Variants in MPPED2 observed in about 807,000 individuals in gnomAD.
MPPED2 encodes metallophosphoesterase domain containing 2, also known as metallophosphoesterase MPPED2.
Under a neutral mutation model 33.0 loss-of-function variants are expected in MPPED2, and 5 were observed. That is an observed-to-expected ratio of 0.15 (90% CI 0.08 to 0.32). The LOEUF (loss-of-function observed/expected upper bound fraction) is 0.32. Ranked by LOEUF, MPPED2 falls within the 10% of genes least tolerant of loss-of-function variation. The probability of loss-of-function intolerance (pLI) is 1.00; values close to 1 mark genes in which losing one functional copy is unlikely to be tolerated. For missense variants in MPPED2, 275 were observed against 372.1 expected (o/e 0.74, Z 2.15); for synonymous variants, 136 against 141.9 (o/e 0.96, Z 0.29).
At chr11:30,406,689 G>A (rs1023476563), downstream of MPPED2, among the ~76,000 whole-genome samples, 1 of 152,168 alleles carries the variant, frequency 6.6e-6, no homozygotes, top group East Asian at 1.9e-4. Context: ...CAACAAAAAT[G>A]TTTTGTGCTA....
chr11:30,405,789 AATTACAATTGACAG>A (rs202233870), downstream of MPPED2, among the ~76,000 whole-genome samples: 543 of 152,166 alleles, frequency 3.6e-3, 2 homozygotes, highest in African/African-American at 0.012. Context: ...CTCTTTAGGA[AATTACAATTGACAG>A]AATAAAAATC....
In MPPED2 at chr11:30,568,654, G is replaced by A. The variant is rs572871275; in HGVS notation, c.128+11592C>T. Among the ~76,000 whole-genome samples the A allele has an allele frequency of 1.2e-3, 188 of 152,278 alleles. 2 individuals carry two copies. The highest frequency in any genetic ancestry group is 8.9e-3 in the South Asian group (43 of 4,828). ...GCTTTGTATTAATAATCTTTAAAAA[G>A]TGGCTGAAGGGAACAGGCCCTAGCA... On this transcript the variant is annotated intron_variant, in intron 2 of 6. Transcript: ENST00000358117.
At chr11:30,464,586 C>G (rs1263422134) in intron 4 of MPPED2, among the ~76,000 whole-genome samples, 1 of 152,144 alleles carries the variant, frequency 6.6e-6, no homozygotes, top group Non-Finnish European at 1.5e-5. Flanking sequence ...TCTGGATAAA[C>G]AGTTGGCATT....
intron 4 of MPPED2, among the ~76,000 whole-genome samples, chr11:30,432,804 C>T (rs1949141428): frequency 6.6e-6 from 1 of 152,204 alleles, no homozygotes; most frequent in African/African-American, 2.4e-5. Context: ...AGGTCCCCAA[C>T]TTGTGAATTA....
intron 3 of MPPED2, among the ~76,000 whole-genome samples, chr11:30,535,489 G>T (rs1954761597): frequency 6.6e-6 from 1 of 152,128 alleles, no homozygotes; most frequent in African/African-American, 2.4e-5. Flanking sequence ...GTTTTCAGGG[G>T]TCTAGAACAC....
At position 30,580,440 on chromosome 11, in the gene MPPED2, C is replaced by A; in HGVS notation, c.-67G>T. On this transcript the variant is annotated 5_prime_UTR_variant, in exon 2 of 7. Coordinates refer to ENST00000358117, the MANE Select transcript of MPPED2 (RefSeq NM_001584.3). Reference sequence around the variant, plus strand: ...GCAAAAGATGGAAGCAGGCATGGTGCGTTTCAGCCAACCTCTGAATCCAAG... The same window carrying A: ...GCAAAAGATGGAAGCAGGCATGGTGAGTTTCAGCCAACCTCTGAATCCAAG... The A allele has an allele frequency of 6.3e-7, 1 of 1,582,500 alleles. No homozygotes were observed.
intron 4 of MPPED2, among the ~76,000 whole-genome samples, chr11:30,489,305 C>T (rs1334245783): frequency 1.3e-5 from 2 of 152,176 alleles, no homozygotes; most frequent in Non-Finnish European, 2.9e-5. Context: ...ACAGAGTAAA[C>T]ATAAAGTACT....
At chr11:30,454,460 A>G (rs1239826817) in intron 4 of MPPED2, among the ~76,000 whole-genome samples, 1 of 152,194 alleles carries the variant, frequency 6.6e-6, no homozygotes, top group African/African-American at 2.4e-5. Flanking sequence ...ATAAAAGAAA[A>G]AAAATCACCA....
At chr11:30,489,935 T>A (rs1429297219) in intron 4 of MPPED2, among the ~76,000 whole-genome samples, 1 of 151,802 alleles carries the variant, frequency 6.6e-6, no homozygotes, top group East Asian at 1.9e-4. Context: ...GCACAGTATC[T>A]TAGTATCAAA....
At chr11:30,421,997 G>A (rs1395703434) in intron 4 of MPPED2, among the ~76,000 whole-genome samples, 3 of 152,136 alleles carry the variant, frequency 2.0e-5, no homozygotes, top group Admixed American at 6.5e-5. Flanking sequence ...TTATCTCAGC[G>A]TGGCATAACA....
chr11:30,584,374 A>ACACACACC (rs1322356918), intron 1 of MPPED2: 4 of 69,560 alleles, frequency 5.8e-5, no homozygotes, highest in African/African-American at 1.6e-4. Flanking sequence ...ACACACACAC[A>ACACACACC]CACCACATAC....
In MPPED2 at chr11:30,556,077, G is replaced by C. The variant is rs148491552; in HGVS notation, c.129-19902C>G. Among the ~76,000 whole-genome samples, 5 of 152,280 alleles carry C rather than the reference G, an allele frequency of 3.3e-5. No individual in the cohort carries two copies. In the East Asian group the frequency reaches 7.7e-4, roughly 23 times the overall value. The stretch of plus-strand genomic sequence containing the variant: ...GTAATTCCATGACTTACGAGAGTGA[G>C]GTTTCCATTTGCCACTCTCTCCTGC... On this transcript the variant is annotated intron_variant, in intron 2 of 6. Coordinates refer to ENST00000358117, the MANE Select transcript of MPPED2 (RefSeq NM_001584.3).
chr11:30,392,074 G>A (rs1947785023), intron 6 of MPPED2, among the ~76,000 whole-genome samples: 1 of 152,174 alleles, frequency 6.6e-6, no homozygotes, highest in African/African-American at 2.4e-5. Context: ...CCTGGTGTAT[G>A]GTAGGTGTTC....
chr11:30,427,120 G>A (rs1449922041), intron 4 of MPPED2, among the ~76,000 whole-genome samples: 1 of 152,150 alleles, frequency 6.6e-6, no homozygotes, highest in Non-Finnish European at 1.5e-5. Context: ...ACGGCAACCA[G>A]GCAGGTAGAT....
intron 4 of MPPED2, among the ~76,000 whole-genome samples, chr11:30,440,547 T>C (rs1949526120): frequency 6.6e-6 from 1 of 152,190 alleles, no homozygotes; most frequent in African/African-American, 2.4e-5. Flanking sequence ...ATGATGGTTA[T>C]TAGGGCAGCT....
At chr11:30,582,977 G>C (rs1590947339) in intron 1 of MPPED2, among the ~76,000 whole-genome samples, 1 of 152,104 alleles carries the variant, frequency 6.6e-6, no homozygotes, top group African/African-American at 2.4e-5. Flanking sequence ...TGAAGAAAAT[G>C]TCAGACTGAG....
Position 30,425,239 on chromosome 11 carries a change from C to T in MPPED2, c.537-7606G>A, listed in dbSNP as rs113993298. On this transcript the variant is annotated intron_variant, in intron 4 of 6. Transcript: ENST00000358117. ...GCACACGTGGACATCTTTACAAACA[C>T]ACCCGCTGTGTCCCTTTTTTGTAAC... 6.8e-3 allele frequency among the ~76,000 whole-genome samples: 1,033 copies of T among 152,252 alleles called. 22 individuals carry two copies. The highest frequency in any genetic ancestry group is 0.024 in the African/African-American group (986 of 41,562).
At chr11:30,472,047 T>A (rs1351437368) in intron 4 of MPPED2, among the ~76,000 whole-genome samples, 1 of 152,216 alleles carries the variant, frequency 6.6e-6, no homozygotes, top group Non-Finnish European at 1.5e-5. Context: ...CATTTGGGTA[T>A]ATCTACAGAA....
At chr11:30,522,637 C>T (rs1953939087) in intron 3 of MPPED2, among the ~76,000 whole-genome samples, 1 of 152,196 alleles carries the variant, frequency 6.6e-6, no homozygotes, top group Admixed American at 6.5e-5. Context: ...TCTTCTGGGA[C>T]TTAACCTTGG....
Sources: gnomAD v4.1 joint callset for allele counts (sites outside exome capture counted in the v4.1 genomes callset) on GRCh38, gnomAD v4.1.1 for gene constraint, MANE v1.5 for transcripts, NCBI Gene and HGNC (gene_info 2026-07-23, HGNC 2026-07-21) for gene names.